The following ZFHX3 variants were observed in gnomAD, a reference collection of about 807,000 sequenced individuals.
ZFHX3 encodes the protein zinc finger homeobox 3, also known as zinc finger homeobox protein 3.
Under a neutral mutation model 279.1 loss-of-function variants are expected in ZFHX3, and 42 were observed. That is an observed-to-expected ratio of 0.15 (90% CI 0.12 to 0.19). ZFHX3 has a LOEUF of 0.19. Ranked by LOEUF, ZFHX3 falls within the 10% of genes least tolerant of loss-of-function variation. ZFHX3 has a pLI of 1.00. For missense variants in ZFHX3, 4,981 were observed against 4,754.0 expected, an observed-to-expected ratio of 1.05 and a Z score of -1.40; for synonymous variants, 2,293 against 1,957.8, an observed-to-expected ratio of 1.17 and a Z score of -4.52.
At chr16:72,824,430 A>G (rs1322234388) in intron 5 of ZFHX3, among the ~76,000 whole-genome samples, 1 of 152,244 alleles carries the variant, frequency 6.6e-6, no homozygotes, top group Non-Finnish European at 1.5e-5. Context: ...CCAATCCTTT[A>G]GAAAAATGAA....
At chr16:72,906,037 G>A (rs2039161542) in intron 3 of ZFHX3, among the ~76,000 whole-genome samples, 1 of 151,948 alleles carries the variant, frequency 6.6e-6, no homozygotes, top group African/African-American at 2.4e-5. Flanking sequence ...ATGTTCAGAT[G>A]TGATTCCTTC....
At chr16:72,832,230 C>T (rs1240777024) in intron 4 of ZFHX3, among the ~76,000 whole-genome samples, 1 of 152,178 alleles carries the variant, frequency 6.6e-6, no homozygotes, top group Non-Finnish European at 1.5e-5. Context: ...TCACCCAACA[C>T]TGACCCCAAT....
chr16:72,829,045 G>C (rs1791320045), intron 5 of ZFHX3, among the ~76,000 whole-genome samples: 1 of 151,386 alleles, frequency 6.6e-6, no homozygotes, highest in South Asian at 2.1e-4. Flanking sequence ...GCGCAGGCTG[G>C]AGTGCAGTGG....
intron 4 of ZFHX3, among the ~76,000 whole-genome samples, chr16:73,262,044 A>G (rs1288283019): frequency 6.6e-6 from 1 of 152,208 alleles, no homozygotes; most frequent in African/African-American, 2.4e-5. Flanking sequence ...CCCATATAGC[A>G]GAGAAAATGA....
chr16:73,388,343 C>A (rs1011227920), intron 3 of ZFHX3, among the ~76,000 whole-genome samples: 1 of 152,152 alleles, frequency 6.6e-6, no homozygotes, highest in Admixed American at 6.5e-5. Context: ...AGTGGTCAGA[C>A]AGCACCAAAG....
At chr16:73,478,223 G>A (rs1018088808) in intron 2 of ZFHX3, among the ~76,000 whole-genome samples, 1 of 140,024 alleles carries the variant, frequency 7.1e-6, no homozygotes, top group Non-Finnish European at 1.5e-5. Context: ...CCGAGATTGC[G>A]CCACTGCACT....
intron 1 of ZFHX3, among the ~76,000 whole-genome samples, chr16:73,713,244 G>A (rs772875741): frequency 6.6e-6 from 1 of 152,156 alleles, no homozygotes; most frequent in Non-Finnish European, 1.5e-5. Flanking sequence ...GGCCTCTCCG[G>A]AACATGCATT....
intron 1 of ZFHX3, chr16:73,796,530 G>A (rs1168534773): frequency 6.6e-6 from 1 of 152,190 alleles, no homozygotes; most frequent in African/African-American, 2.4e-5. Context: ...GAGAAACCCT[G>A]GCAGGATCTA....
intron 5 of ZFHX3, among the ~76,000 whole-genome samples, chr16:73,146,431 GA>G (rs199800717): frequency 6.6e-4 from 93 of 140,288 alleles, no homozygotes; most frequent in East Asian, 8.2e-4. Context: ...CATCTCAAAA[GA>G]AAAAAAAAAA....
At chr16:72,898,746 C>CAAA (rs34647860) in intron 3 of ZFHX3, among the ~76,000 whole-genome samples, 3,148 of 128,046 alleles carry the variant, frequency 0.025, 136 homozygotes, top group African/African-American at 0.082. Context: ...AACCCTGTCT[C>CAAA]AAAAAAAAAA....
At chr16:73,690,743 A>G (rs2053141100) in intron 1 of ZFHX3, among the ~76,000 whole-genome samples, 1 of 152,238 alleles carries the variant, frequency 6.6e-6, no homozygotes, top group South Asian at 2.1e-4. Context: ...CTTGATGTGA[A>G]TAAGCCCTGC....
intron 2 of ZFHX3, among the ~76,000 whole-genome samples, chr16:73,571,015 G>C (rs1431264212): frequency 2.0e-5 from 3 of 150,968 alleles, no homozygotes; most frequent in Admixed American, 6.6e-5. Flanking sequence ...TGTTTCGATG[G>C]AGTGATATGA....
chr16:73,430,109 C>T (rs563544439), intron 3 of ZFHX3, among the ~76,000 whole-genome samples: 8 of 151,678 alleles, frequency 5.3e-5, no homozygotes, highest in Admixed American at 2.6e-4. Context: ...AGGCTGGTCT[C>T]CAACTCCTGG....
At chr16:73,279,876 C>T (rs945467956) in intron 4 of ZFHX3, among the ~76,000 whole-genome samples, 1 of 152,164 alleles carries the variant, frequency 6.6e-6, no homozygotes, top group Non-Finnish European at 1.5e-5. Context: ...CTCTTGTAGT[C>T]TGTGATAACA....
intron 4 of ZFHX3, among the ~76,000 whole-genome samples, chr16:73,283,703 G>C (rs1463538878): frequency 3.9e-5 from 6 of 152,114 alleles, no homozygotes. Flanking sequence ...TATTTTTCTA[G>C]GCCACGAAAA....
intron 1 of ZFHX3, among the ~76,000 whole-genome samples, chr16:73,786,292 T>C (rs1567410157): frequency 1.3e-5 from 2 of 152,328 alleles, no homozygotes; most frequent in Non-Finnish European, 2.9e-5. Context: ...ACTGCTTCTG[T>C]TTCCTCTGAG....
chr16:73,656,569 A>T (rs1045665815), intron 2 of ZFHX3, among the ~76,000 whole-genome samples: 3 of 152,186 alleles, frequency 2.0e-5, no homozygotes, highest in African/African-American at 7.2e-5. Context: ...CAGGAGATAC[A>T]TAGGAACTTT....
chr16:72,893,365 G>A (rs1025820089), intron 3 of ZFHX3, among the ~76,000 whole-genome samples: 2 of 152,190 alleles, frequency 1.3e-5, no homozygotes, highest in African/African-American at 4.8e-5. Flanking sequence ...ATATGGATGT[G>A]TGAGAGTTCT....
intron 4 of ZFHX3, among the ~76,000 whole-genome samples, chr16:72,868,945 G>A (rs55878167): frequency 0.33 from 49,658 of 151,778 alleles, 8,808 homozygotes; most frequent in South Asian, 0.49. Context: ...AAAAGCTGAC[G>A]ATGATTTGAC....
Sources: allele counts gnomAD v4.1 joint callset (sites outside exome capture counted in the v4.1 genomes callset), GRCh38; gene constraint gnomAD v4.1.1; transcripts MANE v1.5; gene names NCBI Gene and HGNC (gene_info 2026-07-23, HGNC 2026-07-21).